The following UBE2E2 variants were observed in gnomAD, a reference collection of about 807,000 sequenced individuals.
UBE2E2 encodes the protein ubiquitin-conjugating enzyme E2 E2.
A neutral mutation model predicts 24.7 loss-of-function variants in UBE2E2; 6 were observed. The ratio of observed to expected loss-of-function variants is 0.24; its 90% CI spans 0.13 to 0.48. The LOEUF is 0.48. Among genes scored for constraint, UBE2E2 ranks in the 20% least tolerant of loss-of-function variants. The pLI is 0.99. For missense variants in UBE2E2, 169 were observed against 245.0 expected, an observed-to-expected ratio of 0.69 and a Z score of 2.07; for synonymous variants, 104 against 83.6, an observed-to-expected ratio of 1.24 and a Z score of -1.33.
chr3:23,210,694 G>T (rs1414784917), intron 2 of UBE2E2, among the ~76,000 whole-genome samples: 1 of 152,196 alleles, frequency 6.6e-6, no homozygotes, highest in Non-Finnish European at 1.5e-5. Context: ...CGCAGTGCCT[G>T]ATTGGCAGTA....
intron 3 of UBE2E2, among the ~76,000 whole-genome samples, chr3:23,426,925 CAT>C (rs780658347): frequency 6.6e-6 from 1 of 151,730 alleles, no homozygotes; most frequent in Admixed American, 6.6e-5. Flanking sequence ...TACACACACA[CAT>C]ATATATATAC....
At chr3:23,306,957 T>C (rs934646473) in intron 3 of UBE2E2, among the ~76,000 whole-genome samples, 7 of 152,188 alleles carry the variant, frequency 4.6e-5, no homozygotes, top group African/African-American at 1.4e-4. Context: ...TAAGGAAAAT[T>C]GACACATTTT....
chr3:23,512,583 T>C (rs1020079227), intron 4 of UBE2E2, among the ~76,000 whole-genome samples: 5 of 152,118 alleles, frequency 3.3e-5, no homozygotes, highest in Non-Finnish European at 7.4e-5. Context: ...TGTAGTCCCT[T>C]TTGCCTCTAT....
intron 4 of UBE2E2, among the ~76,000 whole-genome samples, chr3:23,514,301 A>T (rs538927874): frequency 6.6e-6 from 1 of 152,302 alleles, no homozygotes; most frequent in East Asian, 1.9e-4. Flanking sequence ...TTTCTTTCTC[A>T]CGTTACCTTC....
At chr3:23,264,377 A>T (rs1697986165) in intron 3 of UBE2E2, among the ~76,000 whole-genome samples, 1 of 152,190 alleles carries the variant, frequency 6.6e-6, no homozygotes, top group Admixed American at 6.5e-5. Flanking sequence ...AAAGGAAAAA[A>T]AAAAAAGGTG....
At chr3:23,373,653 A>G (rs973501938) in intron 3 of UBE2E2, among the ~76,000 whole-genome samples, 36 of 152,312 alleles carry the variant, frequency 2.4e-4, no homozygotes, top group African/African-American at 8.4e-4. Flanking sequence ...TGGGGAGTGT[A>G]ATAACCCAGG....
At chr3:23,380,863 A>C (rs566767420) in intron 3 of UBE2E2, among the ~76,000 whole-genome samples, 1 of 152,294 alleles carries the variant, frequency 6.6e-6, no homozygotes, top group Non-Finnish European at 1.5e-5. Flanking sequence ...AAACAATTTA[A>C]TTAGGTAAGT....
chr3:23,380,858 A>G (rs1300535866), intron 3 of UBE2E2, among the ~76,000 whole-genome samples: 15 of 152,156 alleles, frequency 9.9e-5, no homozygotes, highest in Non-Finnish European at 1.5e-5. Flanking sequence ...ATGTAAAACA[A>G]TTTAATTAGG....
At chr3:23,312,909 C>G (rs576664236) in intron 3 of UBE2E2, among the ~76,000 whole-genome samples, 1 of 152,060 alleles carries the variant, frequency 6.6e-6, no homozygotes, top group Non-Finnish European at 1.5e-5. Context: ...TTTAAAAATT[C>G]CTCATTATTG....
intron 3 of UBE2E2, among the ~76,000 whole-genome samples, chr3:23,452,656 A>G (rs1246384113): frequency 6.6e-6 from 1 of 152,178 alleles, no homozygotes; most frequent in Non-Finnish European, 1.5e-5. Context: ...TTGAGTTGCT[A>G]CTGCATAATT....
chr3:23,484,151 T>G (rs985982282), intron 3 of UBE2E2, among the ~76,000 whole-genome samples: 9 of 152,228 alleles, frequency 5.9e-5, no homozygotes, highest in Admixed American at 2.6e-4. Context: ...CCCGCTTTCT[T>G]CTCCCTGCCT....
intron 3 of UBE2E2, among the ~76,000 whole-genome samples, chr3:23,412,575 A>G (rs1402793424): frequency 6.6e-6 from 1 of 152,138 alleles, no homozygotes; most frequent in Non-Finnish European, 1.5e-5. Context: ...GTTCTTCAAG[A>G]TGTTTGGAAA....
intron 3 of UBE2E2, among the ~76,000 whole-genome samples, chr3:23,303,364 C>A (rs557719955): frequency 6.6e-6 from 1 of 152,190 alleles, no homozygotes; most frequent in East Asian, 1.9e-4. Context: ...GGAAACCACT[C>A]CCCTCAACCC....
intron 3 of UBE2E2, among the ~76,000 whole-genome samples, chr3:23,267,811 A>G (rs1271763091): frequency 6.7e-6 from 1 of 149,622 alleles, no homozygotes; most frequent in Non-Finnish European, 1.5e-5. Context: ...CCTCAATAAA[A>G]TACTGGCAAA....
At chr3:23,342,060 CTT>C (rs1040705051) in intron 3 of UBE2E2, among the ~76,000 whole-genome samples, 2 of 152,156 alleles carry the variant, frequency 1.3e-5, no homozygotes, top group African/African-American at 4.8e-5. Flanking sequence ...ACAGTGGAGA[CTT>C]TGAAATTTCA....
At chr3:23,265,326 A>G (rs1044263683) in intron 3 of UBE2E2, among the ~76,000 whole-genome samples, 4 of 152,132 alleles carry the variant, frequency 2.6e-5, no homozygotes, top group Non-Finnish European at 5.9e-5. Context: ...TGTCTTTCTC[A>G]CTTCAGTTCC....
intron 3 of UBE2E2, among the ~76,000 whole-genome samples, chr3:23,469,847 C>T (rs999764): frequency 0.3 from 45,962 of 152,036 alleles, 7,206 homozygotes; most frequent in South Asian, 0.44. Flanking sequence ...AAAATAAGCA[C>T]AAATTGTTTT....
At chr3:23,393,360 C>A (rs1047227725) in intron 3 of UBE2E2, among the ~76,000 whole-genome samples, 1 of 152,118 alleles carries the variant, frequency 6.6e-6, no homozygotes, top group Non-Finnish European at 1.5e-5. Context: ...AGAAGATGCT[C>A]AGGATATATG....
chr3:23,259,222 T>C (rs74954707), intron 3 of UBE2E2, among the ~76,000 whole-genome samples: 7,594 of 152,174 alleles, frequency 0.05, 684 homozygotes, highest in African/African-American at 0.17. Flanking sequence ...CTTCCTTGTA[T>C]ATGTGTGTGT....
Sources: gnomAD v4.1 joint callset for allele counts (sites outside exome capture counted in the v4.1 genomes callset) on GRCh38, gnomAD v4.1.1 for gene constraint, MANE v1.5 for transcripts, NCBI Gene and HGNC (gene_info 2026-07-23, HGNC 2026-07-21) for gene names.